Variants in ABL1 observed in about 807,000 individuals in gnomAD.
ABL1 encodes ABL proto-oncogene 1, non-receptor tyrosine kinase.
Under a neutral mutation model 94.7 loss-of-function variants are expected in ABL1, and 11 were observed. That is an observed-to-expected ratio of 0.12 (90% CI 0.07 to 0.19). The LOEUF is 0.19. ABL1 is among the 10% of genes least tolerant of loss of function. The pLI is 1.00. For missense variants in ABL1, 1,082 were observed against 1,489.4 expected (o/e 0.73, Z 4.50); for synonymous variants, 656 against 622.4 (o/e 1.05, Z -0.80).
chr9:130,866,164 G>GA (rs1475058487), intron 4 of ABL1, among the ~76,000 whole-genome samples: 3 of 152,106 alleles, frequency 2.0e-5, no homozygotes, highest in Non-Finnish European at 4.4e-5. Flanking sequence ...TTAATGCTGA[G>GA]AAAATGGAAG....
chr9:130,822,790 T>C (rs1250907907), intron 1 of ABL1, among the ~76,000 whole-genome samples: 1 of 152,022 alleles, frequency 6.6e-6, no homozygotes, highest in Non-Finnish European at 1.5e-5. Context: ...TTCTCTGTAT[T>C]GTGGGTACAA....
chr9:130,727,258 G>A (rs1263304701), intron 1 of ABL1, among the ~76,000 whole-genome samples: 1 of 143,550 alleles, frequency 7.0e-6, no homozygotes, highest in Non-Finnish European at 1.5e-5. Flanking sequence ...GTAGAGACAA[G>A]GTTTCACCAT....
At chr9:130,846,470 T>C (rs951308746) in intron 1 of ABL1, among the ~76,000 whole-genome samples, 3 of 152,218 alleles carry the variant, frequency 2.0e-5, no homozygotes, top group Non-Finnish European at 4.4e-5. Context: ...AATAATTGAA[T>C]GTGAGCAAAA....
intron 1 of ABL1, among the ~76,000 whole-genome samples, chr9:130,840,606 A>G (rs1830656002): frequency 6.6e-6 from 1 of 152,218 alleles, no homozygotes; most frequent in South Asian, 2.1e-4. Context: ...TCTTAATTAA[A>G]CACACAGAAG....
intron 1 of ABL1, among the ~76,000 whole-genome samples, chr9:130,784,558 T>G (rs1224880658): frequency 6.6e-6 from 1 of 152,218 alleles, no homozygotes. Context: ...CATCTGGTCT[T>G]GGGGGATTGT....
Position 130,799,318 on chromosome 9 carries a change from AATTATTG to A in ABL1, c.137-54743_137-54737del, listed in dbSNP as rs1401673303. On this transcript the variant is annotated intron_variant, in intron 1 of 10. Transcript: ENST00000372348. ...TGACCACGAAAGGGCCATGGGAAAG[AATTATTG>A]ATGGGTTACAGGTGCATCGTTTCAG... 3.5e-4 allele frequency among the ~76,000 whole-genome samples: 53 copies of A among 152,340 alleles called. 1 individual carries two copies. Among genetic ancestry groups the A allele is most frequent in the Admixed American group, 3.5e-3 (53 of 15,300 alleles).
chr9:130,784,896 C>T (rs369848578), intron 1 of ABL1, among the ~76,000 whole-genome samples: 6 of 152,270 alleles, frequency 3.9e-5, no homozygotes, highest in East Asian at 1.9e-4. Context: ...TGTAGCCATC[C>T]GTGTTGGGAT....
intron 1 of ABL1, among the ~76,000 whole-genome samples, chr9:130,747,982 T>TTAC (rs1328947843): frequency 6.6e-6 from 1 of 152,176 alleles, no homozygotes; most frequent in Non-Finnish European, 1.5e-5. Context: ...CCAAACTGTT[T>TTAC]TACAGAGTGG....
intron 1 of ABL1, among the ~76,000 whole-genome samples, chr9:130,757,312 G>T (rs1564281242): frequency 6.6e-6 from 1 of 152,090 alleles, no homozygotes; most frequent in East Asian, 1.9e-4. Flanking sequence ...TGTAATCCCA[G>T]CCCTTTGGGA....
At chr9:130,879,424 GTT>G (rs1422530032) in intron 8 of ABL1, among the ~76,000 whole-genome samples, 2 of 152,150 alleles carry the variant, frequency 1.3e-5, no homozygotes, top group African/African-American at 4.8e-5. Context: ...GCATTTGGTT[GTT>G]TTACACATTT....
rs572097357 is a variant in ABL1 at position 130,789,803 on chromosome 9, G to A, written c.137-64261G>A. Among the ~76,000 whole-genome samples the A allele has an allele frequency of 8.1e-4, 123 of 152,344 alleles. 2 individuals carry two copies. The highest frequency in any genetic ancestry group is 2.9e-3 in the African/African-American group (120 of 41,578). Reference sequence around the variant, plus strand: ...TAAAAAATTTATGGATTGGTTAAATGTTAGAATAGAAACAGCAGAAACCAG... The same window carrying A: ...TAAAAAATTTATGGATTGGTTAAATATTAGAATAGAAACAGCAGAAACCAG... On this transcript the variant is annotated intron_variant, in intron 1 of 10. Coordinates refer to the ABL1 transcript ENST00000372348.
intron 1 of ABL1, among the ~76,000 whole-genome samples, chr9:130,792,162 G>C: frequency 6.6e-6 from 1 of 152,094 alleles, no homozygotes; most frequent in East Asian, 1.9e-4. Context: ...AGGGTCCCTT[G>C]GGGCTCATTT....
At chr9:130,822,849 G>A (rs924257629) in intron 1 of ABL1, among the ~76,000 whole-genome samples, 1 of 151,778 alleles carries the variant, frequency 6.6e-6, no homozygotes, top group African/African-American at 2.4e-5. Context: ...CCAGGGTGGA[G>A]TACAGTGGCA....
At chr9:130,750,664 T>TTTTTTTA in intron 1 of ABL1, among the ~76,000 whole-genome samples, 2 of 143,898 alleles carry the variant, frequency 1.4e-5, no homozygotes, top group African/African-American at 5.1e-5. Context: ...TTTTTTTTTT[T>TTTTTTTA]GAGACAGAGT....
chr9:130,716,796 G>A lies in ABL1; in HGVS notation c.136+2341G>A, dbSNP rs560212808. ...GTAGAGTTTCGCTCTTGTCGCCCGG[G>A]CTGGAGTGCTGTGGTGCAATCTCGG... On this transcript the variant is annotated intron_variant, in intron 1 of 10. Coordinates refer to the ABL1 transcript ENST00000372348. 1.1e-3 allele frequency among the ~76,000 whole-genome samples: 163 copies of A among 152,070 alleles called. 1 individual carries two copies. Among genetic ancestry groups the A allele is most frequent in the Non-Finnish European group, 2.1e-3 (145 of 67,984 alleles).
intron 4 of ABL1, among the ~76,000 whole-genome samples, chr9:130,865,844 G>A (rs1221889311): frequency 1.3e-5 from 2 of 151,372 alleles, no homozygotes; most frequent in East Asian, 3.9e-4. Flanking sequence ...CTGTGTGCCT[G>A]GCAGAGACCT....
chr9:130,749,810 T>G (rs1015983311), intron 1 of ABL1, among the ~76,000 whole-genome samples: 8 of 152,144 alleles, frequency 5.3e-5, no homozygotes, highest in Non-Finnish European at 1.0e-4. Flanking sequence ...TTGATTCGTC[T>G]TCATAATTTG....
chr9:130,726,860 A>C (rs941039089), intron 1 of ABL1, among the ~76,000 whole-genome samples: 2 of 152,224 alleles, frequency 1.3e-5, no homozygotes, highest in African/African-American at 2.4e-5. Flanking sequence ...CAACATAGGC[A>C]TTTAAAGCTG....
intron 1 of ABL1, among the ~76,000 whole-genome samples, chr9:130,787,042 G>C (rs1829836360): frequency 6.6e-6 from 1 of 152,098 alleles, no homozygotes; most frequent in African/African-American, 2.4e-5. Flanking sequence ...TTTCTCCTTA[G>C]GCTCTGCAAT....
Sources: gnomAD v4.1 joint callset for allele counts (sites outside exome capture counted in the v4.1 genomes callset) on GRCh38, gnomAD v4.1.1 for gene constraint, MANE v1.5 for transcripts, NCBI Gene and HGNC (gene_info 2026-07-23, HGNC 2026-07-21) for gene names.